The following NWD2 variants were observed in gnomAD, a reference collection of about 807,000 sequenced individuals.
The protein encoded by NWD2 is NACHT and WD repeat domain-containing protein 2.
A neutral mutation model predicts 132.7 loss-of-function variants in NWD2; 37 were observed. That is an observed-to-expected ratio of 0.28 (90% CI 0.21 to 0.37). The LOEUF is 0.37. NWD2 is among the 10% of genes least tolerant of loss of function. The pLI is 1.00. For missense variants in NWD2, 1,592 were observed against 2,122.4 expected, an observed-to-expected ratio of 0.75 and a Z score of 4.91; for synonymous variants, 705 against 803.0, an observed-to-expected ratio of 0.88 and a Z score of 2.06.
chr4:37,339,140 C>T (rs949961243), intron 2 of NWD2, among the ~76,000 whole-genome samples: 1 of 152,130 alleles, frequency 6.6e-6, no homozygotes, highest in African/African-American at 2.4e-5. Context: ...ACCAACCTTA[C>T]CAAGTTGACA....
chr4:37,315,127 T>C (rs1310695266), intron 1 of NWD2, among the ~76,000 whole-genome samples: 1 of 152,116 alleles, frequency 6.6e-6, no homozygotes, highest in East Asian at 1.9e-4. Flanking sequence ...TCTAACTTAA[T>C]TTTGTTGTAG....
chr4:37,297,300 A>G (rs1451281190), intron 1 of NWD2, among the ~76,000 whole-genome samples: 1 of 152,126 alleles, frequency 6.6e-6, no homozygotes, highest in Non-Finnish European at 1.5e-5. Flanking sequence ...ACCTAATACA[A>G]TGTAAATGCT....
intron 1 of NWD2, among the ~76,000 whole-genome samples, chr4:37,285,607 A>G (rs1718214666): frequency 6.6e-6 from 1 of 152,166 alleles, no homozygotes; most frequent in Non-Finnish European, 1.5e-5. Flanking sequence ...ATTCCTTAAC[A>G]TTTAATTAAT....
At chr4:37,421,475 A>G (rs1237383951) in intron 3 of NWD2, among the ~76,000 whole-genome samples, 1 of 152,216 alleles carries the variant, frequency 6.6e-6, no homozygotes, top group East Asian at 1.9e-4. Context: ...TCTTGCAATA[A>G]GTAAAAAGGA....
chr4:37,284,493 C>A (rs756845802), intron 1 of NWD2, among the ~76,000 whole-genome samples: 5 of 152,202 alleles, frequency 3.3e-5, no homozygotes, highest in Non-Finnish European at 5.9e-5. Context: ...TCTTGAGGGA[C>A]CCTCATTCCT....
At chr4:37,408,666 G>A (rs935962913) in intron 3 of NWD2, among the ~76,000 whole-genome samples, 1 of 152,198 alleles carries the variant, frequency 6.6e-6, no homozygotes, top group Non-Finnish European at 1.5e-5. Context: ...CCAGCACAGC[G>A]TTGGAGCTCT....
At chr4:37,412,350 C>G (rs994642509) in intron 3 of NWD2, among the ~76,000 whole-genome samples, 3 of 151,088 alleles carry the variant, frequency 2.0e-5, no homozygotes, top group Non-Finnish European at 4.5e-5. Flanking sequence ...AACAGACAAA[C>G]AGCCAAATCA....
intron 1 of NWD2, among the ~76,000 whole-genome samples, chr4:37,277,520 A>G (rs1386278830): frequency 1.3e-5 from 2 of 151,796 alleles, no homozygotes; most frequent in South Asian, 2.1e-4. Flanking sequence ...TGTCATCTCA[A>G]GTATGCTATT....
chr4:37,305,938 G>C (rs889713905), intron 1 of NWD2, among the ~76,000 whole-genome samples: 4 of 152,170 alleles, frequency 2.6e-5, no homozygotes, highest in Admixed American at 1.3e-4. Context: ...GTCCTTTAAA[G>C]GTTCAGTAGA....
intron 1 of NWD2, among the ~76,000 whole-genome samples, chr4:37,314,053 C>G (rs911126435): frequency 5.9e-5 from 9 of 152,112 alleles, no homozygotes; most frequent in South Asian, 2.1e-4. Context: ...TTTTCTGCGT[C>G]TATTGAGCAG....
At chr4:37,253,147 G>C (rs1394886403) in intron 1 of NWD2, among the ~76,000 whole-genome samples, 1 of 152,100 alleles carries the variant, frequency 6.6e-6, no homozygotes, top group Admixed American at 6.6e-5. Flanking sequence ...TCATTACTAT[G>C]TGTTATTGAA....
chr4:37,336,048 T>TAGC (rs1214434747), intron 2 of NWD2, among the ~76,000 whole-genome samples: 2 of 151,990 alleles, frequency 1.3e-5, no homozygotes, highest in Non-Finnish European at 2.9e-5. Context: ...AAACATAAAA[T>TAGC]AGCATAAAAT....
chr4:37,434,508 CA>C (rs1315637228), intron 5 of NWD2, among the ~76,000 whole-genome samples: 1 of 152,008 alleles, frequency 6.6e-6, no homozygotes, highest in African/African-American at 2.4e-5. Flanking sequence ...AAGATCGTAT[CA>C]AAAGTGATTG....
chr4:37,424,199 A>C (rs1711912898), intron 3 of NWD2, among the ~76,000 whole-genome samples: 1 of 152,252 alleles, frequency 6.6e-6, no homozygotes, highest in Non-Finnish European at 1.5e-5. Flanking sequence ...TGCAGTACAC[A>C]GGGTGCACAT....
chr4:37,254,088 T>G (rs2109256366), intron 1 of NWD2, among the ~76,000 whole-genome samples: 1 of 152,218 alleles, frequency 6.6e-6, no homozygotes, highest in African/African-American at 2.4e-5. Context: ...TCAGGAAAAA[T>G]AACTAATGGG....
At position 37,300,689 on chromosome 4, in the gene NWD2, G is replaced by T. The variant is rs192055351; in HGVS notation, c.152-25247G>T. On this transcript the variant is annotated intron_variant, in intron 1 of 6. Transcript: ENST00000309447. ...ATAAGTTTCTTCAATAGCATGCATGGTTGTAACATTAATATCTAGTTGAAT... is the reference window on the plus strand; with the variant it reads ...ATAAGTTTCTTCAATAGCATGCATGTTTGTAACATTAATATCTAGTTGAAT... Among the ~76,000 whole-genome samples the T allele has an allele frequency of 2.8e-3, 424 of 152,008 alleles. 1 individual carries two copies. The highest frequency in any genetic ancestry group is 9.2e-3 in the African/African-American group (381 of 41,490).
intron 2 of NWD2, among the ~76,000 whole-genome samples, chr4:37,335,360 A>G (rs1027672394): frequency 1.3e-5 from 2 of 150,408 alleles, no homozygotes; most frequent in African/African-American, 2.4e-5. Context: ...CTCCTAATTC[A>G]TTAAAATGTA....
intron 3 of NWD2, among the ~76,000 whole-genome samples, chr4:37,388,934 T>C (rs781477222): frequency 1.3e-5 from 2 of 151,252 alleles, no homozygotes; most frequent in African/African-American, 2.4e-5. Flanking sequence ...ACCTCTATGA[T>C]GGTGTCTACG....
intron 1 of NWD2, among the ~76,000 whole-genome samples, chr4:37,293,328 A>G (rs1027100776): frequency 2.6e-5 from 4 of 152,202 alleles, no homozygotes; most frequent in African/African-American, 9.7e-5. Flanking sequence ...GCCTAGCTGC[A>G]GGGGTGGGCA....
Sources: gnomAD v4.1 joint callset for allele counts (sites outside exome capture counted in the v4.1 genomes callset) on GRCh38, gnomAD v4.1.1 for gene constraint, MANE v1.5 for transcripts, NCBI Gene and HGNC (gene_info 2026-07-23, HGNC 2026-07-21) for gene names.